Variants in ELP1 observed in about 807,000 individuals in gnomAD.
The protein encoded by ELP1 is elongator complex protein 1.
A neutral mutation model predicts 183.2 loss-of-function variants in ELP1; 131 were observed. The observed-to-expected ratio is 0.72, with a 90% CI of 0.62 to 0.83. ELP1 has a LOEUF of 0.83. ELP1 is among the 40% of genes least tolerant of loss of function. ELP1 has a pLI of 0.00. For missense variants in ELP1, 1,550 were observed against 1,594.9 expected (o/e 0.97, Z 0.48); for synonymous variants, 555 against 569.0 (o/e 0.98, Z 0.35).
intron 7 of ELP1, 82 bp downstream of exon 7, chr9:108,919,170 CA>C: frequency 1.0e-6 from 1 of 968,506 alleles, no homozygotes; most frequent in Non-Finnish European, 1.6e-6. Context: ...ATACCCTACT[CA>C]AAGCAAAAGA....
intron 7 of ELP1, 30 bp from the exon 8 acceptor site, chr9:108,918,931 C>T (rs765123363): frequency 6.7e-7 from 1 of 1,489,426 alleles, no homozygotes; most frequent in South Asian, 1.1e-5. Flanking sequence ...AACACACATA[C>T]ACACTTAAAA....
Position 108,901,548 on chromosome 9 carries a change from A to G in ELP1, c.1909-18T>C. On this transcript the variant is annotated intron_variant, in intron 17 of 36. Transcript: ENST00000374647. ...GACGCAACCTGCAAGAGAAGGCCAGAGAGGCATGGGTGAAAGCTAGCTAGA... is the reference window on the plus strand; with the variant it reads ...GACGCAACCTGCAAGAGAAGGCCAGGGAGGCATGGGTGAAAGCTAGCTAGA... 6.2e-7 allele frequency: 1 copy of G among 1,612,138 alleles called. No individual in the cohort carries two copies. The highest frequency in any genetic ancestry group is 8.5e-7 in the Non-Finnish European group (1 of 1,178,064).
At chr9:108,888,720 T>C (rs1315007825) in intron 29 of ELP1, among the ~76,000 whole-genome samples, 2 of 152,216 alleles carry the variant, frequency 1.3e-5, no homozygotes, top group Non-Finnish European at 1.5e-5. Context: ...GTTACATAAA[T>C]GTGCTATCAG....
intron 13 of ELP1, among the ~76,000 whole-genome samples, chr9:108,907,314 C>A (rs552267226): frequency 1.3e-5 from 2 of 152,090 alleles, no homozygotes; most frequent in Non-Finnish European, 2.9e-5. Context: ...TTAAATGAAA[C>A]TATATTCTAA....
Position 108,912,869 on chromosome 9 carries a change from C to T in ELP1, c.959-375G>A, listed in dbSNP as rs1414191712. ...TCCCGGGTTCATGCCATTCTCCTGCCTCAGCCTCTCGAGTAGCTAGGACTA... is the reference window on the plus strand; with the variant it reads ...TCCCGGGTTCATGCCATTCTCCTGCTTCAGCCTCTCGAGTAGCTAGGACTA... On this transcript the variant is annotated intron_variant, in intron 10 of 36. Transcript: ENST00000374647. Among the ~76,000 whole-genome samples the T allele has an allele frequency of 2.6e-5, 4 of 151,616 alleles. No homozygotes were observed. The East Asian group carries it at 7.8e-4, about 29-fold the overall frequency.
intron 3 of ELP1, among the ~76,000 whole-genome samples, chr9:108,928,463 AG>A (rs1449610789): frequency 2.0e-5 from 3 of 152,216 alleles, no homozygotes; most frequent in Admixed American, 6.5e-5. Flanking sequence ...TAATAAGGAC[AG>A]GAAAGAGAGA....
At chr9:108,900,219 T>C (rs1200417013) in intron 19 of ELP1, 41 bp downstream of exon 19, 1 of 1,359,006 alleles carries the variant, frequency 7.4e-7, no homozygotes, top group Non-Finnish European at 1.1e-6. Flanking sequence ...CTTGGCTGAA[T>C]GACAATCAGA....
rs555520875 is a variant in ELP1, at chr9:108,874,881, G to C, written c.3931+14C>G. ...TGCTTAGTATTGTAATATTAAATGA[G>C]AAAAAATACTAACCAAGAACAGGAA... On this transcript the variant is annotated intron_variant, in intron 36 of 36. Coordinates refer to ENST00000374647, the MANE Select transcript of ELP1 (RefSeq NM_003640.5). The C allele has an allele frequency of 1.4e-5, 22 of 1,552,920 alleles. No individual in the cohort carries two copies. The highest frequency in any genetic ancestry group is 2.7e-5 in the African/African-American group (2 of 73,644).
intron 1 of ELP1, 86 bp from the exon 2 acceptor site, chr9:108,931,287 A>G (rs1829997370): frequency 3.4e-6 from 3 of 893,768 alleles, no homozygotes; most frequent in Non-Finnish European, 5.3e-6. Flanking sequence ...AGTGGTAGTC[A>G]GAATCAGAAT....
At chr9:108,931,266 G>T in intron 1 of ELP1, 65 bp from the exon 2 acceptor site, 1 of 1,076,038 alleles carries the variant, frequency 9.3e-7, no homozygotes, top group East Asian at 2.4e-5. Context: ...AAATGATTCA[G>T]GGGGTGAAGA....
In ELP1 at chr9:108,915,416, G is replaced by A. The variant is rs554746188; in HGVS notation, c.958+788C>T. 2.7e-4 allele frequency among the ~76,000 whole-genome samples: 41 copies of A among 152,300 alleles called. 1 individual carries two copies. In the South Asian group the frequency reaches 8.3e-3, roughly 31 times the overall value. ...GTGGGAAGGTCCCATTCATTCAGCT[G>A]AAGACCTTAAAAGCAAAAACTGAGG... On this transcript the variant is annotated intron_variant, in intron 10 of 36. Transcript: ENST00000374647.
At chr9:108,879,645 C>T in intron 32 of ELP1, 88 bp from the exon 33 acceptor site, 1 of 840,022 alleles carries the variant, frequency 1.2e-6, no homozygotes, top group Admixed American at 1.9e-5. Context: ...TAACTAGAGT[C>T]AACTGGTGCA....
chr9:108,880,040 G>GCAGATACT lies in ELP1; in HGVS notation c.3460+4_3460+11dup, dbSNP rs1564072453. 1 of 1,563,556 alleles carries GCAGATACT rather than the reference G, an allele frequency of 6.4e-7. No homozygotes were observed. Among genetic ancestry groups the GCAGATACT allele is most frequent in the South Asian group, 1.1e-5 (1 of 90,080 alleles). On this transcript the variant is annotated intron_variant, in intron 32 of 36. Transcript: ENST00000374647. ...GCCCCCGCACGTCGATGGCCTTCACGCAGATACTCACCCAGACCTGCCTGC... is the reference window on the plus strand; with the variant it reads ...GCCCCCGCACGTCGATGGCCTTCACGCAGATACTCAGATACTCACCCAGACCTGCCTGC...
In ELP1 at chr9:108,919,584, T is replaced by C. The variant is rs55905125; in HGVS notation, c.553-235A>G. Among the ~76,000 whole-genome samples the C allele has an allele frequency of 0.15, 19,222 of 128,668 alleles. 1,628 individuals carry two copies. The highest frequency in any genetic ancestry group is 0.25 in the Middle Eastern group (58 of 232). The allele number at this position is 128,668 out of a possible 152,430, so 84.4% of individuals were successfully genotyped here. On this transcript the variant is annotated intron_variant, in intron 6 of 36. Transcript: ENST00000374647. ...CTTTCGGCATTAAAAAAAAAAAAAG[T>C]GGCCTCTGAGAACAGCAAAAGAGGA... is the stretch of plus-strand genomic sequence containing the variant.
intron 3 of ELP1, among the ~76,000 whole-genome samples, chr9:108,928,840 A>G (rs1829903684): frequency 6.6e-6 from 1 of 152,058 alleles, no homozygotes; most frequent in Non-Finnish European, 1.5e-5. Flanking sequence ...ATGAACTGCA[A>G]GTAAAGGTTT....
At position 108,919,300 on chromosome 9, in the gene ELP1, C is replaced by A; in HGVS notation, c.602G>T (p.Arg201Leu). 1 of 1,613,932 alleles carries A rather than the reference C, an allele frequency of 6.2e-7. No individual in the cohort carries two copies. The highest frequency in any genetic ancestry group is 8.5e-7 in the Non-Finnish European group (1 of 1,179,898). ...CACAGCAAAAAACTGTCCATCCCCC[C>A]GCCAGGTAACTTGTGGTCTATGGTC... ...WDDHRPQVTW[R>L]GDGQFFAVSV... Residue 201 changes from arginine to leucine, a missense_variant, in exon 7 of 37, where the codon CGG becomes CTG. Transcript: ENST00000374647.
At chr9:108,874,342 T>C (rs931965383) in intron 36 of ELP1, among the ~76,000 whole-genome samples, 2 of 152,214 alleles carry the variant, frequency 1.3e-5, no homozygotes, top group African/African-American at 2.4e-5. Flanking sequence ...TTTAGGGATA[T>C]AAGTAATCTA....
chr9:108,906,094 T>C (rs531633113), intron 14 of ELP1, among the ~76,000 whole-genome samples: 40 of 152,326 alleles, frequency 2.6e-4, no homozygotes, highest in Admixed American at 2.6e-3. Context: ...CTAATATTTA[T>C]CCTATTTTTC....
rs371793321 is a variant in ELP1 at position 108,919,358 on chromosome 9, G to A, written c.553-9C>T. 6.3e-7 allele frequency: 1 copy of A among 1,586,770 alleles called. No individual in the cohort carries two copies. Among genetic ancestry groups the A allele is most frequent in the Non-Finnish European group, 8.7e-7 (1 of 1,155,478 alleles). On this transcript the variant is annotated splice_polypyrimidine_tract_variant and intron_variant, in intron 6 of 36. Transcript: ENST00000374647. ...GGCAAAGCAGACTCATGCTAAAAAG[G>A]GGAACAAACACCAATATTACTGGGG...
Sources: gnomAD v4.1 joint callset for allele counts (sites outside exome capture counted in the v4.1 genomes callset) on GRCh38, gnomAD v4.1.1 for gene constraint, MANE v1.5 for transcripts, NCBI Gene and HGNC (gene_info 2026-07-23, HGNC 2026-07-21) for gene names.